Variants in RBM47 observed in about 807,000 individuals in gnomAD.
RBM47 encodes the protein RNA-binding protein 47.
In RBM47, 21 loss-of-function variants were observed where a neutral mutation model predicts 47.1. The ratio of observed to expected loss-of-function variants is 0.45; its 90% CI spans 0.32 to 0.64. The LOEUF (loss-of-function observed/expected upper bound fraction) is 0.64. RBM47 is among the 30% of genes least tolerant of loss of function. The pLI is 0.05. For missense variants in RBM47, 708 were observed against 870.9 expected (o/e 0.81, Z 2.35); for synonymous variants, 375 against 361.7 (o/e 1.04, Z -0.42).
intron 6 of RBM47, among the ~76,000 whole-genome samples, chr4:40,432,203 TACACAC>T (rs61008905): frequency 0.015 from 2,277 of 147,806 alleles, 63 homozygotes; most frequent in African/African-American, 0.053. Flanking sequence ...TCTCTCTCTT[TACACAC>T]ACACACACAC....
At chr4:40,535,371 C>CTTTTTTTTTTTTTTTTTTTTTTT (rs1177127352) in intron 2 of RBM47, among the ~76,000 whole-genome samples, 13 of 103,460 alleles carry the variant, frequency 1.3e-4, no homozygotes, top group African/African-American at 2.2e-4. Context: ...TATGGTATTT[C>CTTTTTTTTTTTTTTTTTTTTTTT]TTTTTTTTTT....
rs961511576 is a variant in RBM47, at chr4:40,438,141, G to C, written c.753C>G (p.Arg251=). The C allele has an allele frequency of 3.1e-6, 5 of 1,612,604 alleles. No individual in the cohort carries two copies. The highest frequency in any genetic ancestry group is 1.3e-5 in the African/African-American group (1 of 74,888). The change falls in exon 4 of 7, where the codon CGC becomes CGG. Residue 251 remains arginine, a synonymous_variant. Transcript: ENST00000295971. ...VMETVKILYV[R]NLMIETTEDT... The stretch of plus-strand genomic sequence containing the variant: ...CCTCGGTGGTCTCGATCATGAGGTT[G>C]CGCACGTAGAGGATCTTCACGGTCT...
intron 1 of RBM47, among the ~76,000 whole-genome samples, chr4:40,590,404 CAAAA>C (rs926956539): frequency 1.3e-5 from 2 of 151,180 alleles, no homozygotes; most frequent in African/African-American, 4.9e-5. Flanking sequence ...AAAAAAAAAA[CAAAA>C]AAACCCCACA....
intron 1 of RBM47, among the ~76,000 whole-genome samples, chr4:40,558,496 T>C (rs568233952): frequency 1.4e-5 from 2 of 139,292 alleles, no homozygotes; most frequent in Non-Finnish European, 3.0e-5. Flanking sequence ...CTGGCCAACA[T>C]GGTGAAACCC....
intron 3 of RBM47, among the ~76,000 whole-genome samples, chr4:40,464,710 A>G (rs921266483): frequency 6.6e-6 from 1 of 150,952 alleles, no homozygotes; most frequent in African/African-American, 2.4e-5. Context: ...CCACGGTGAA[A>G]CCCCGTCTCT....
intron 2 of RBM47, among the ~76,000 whole-genome samples, chr4:40,494,188 A>G (rs1722269110): frequency 6.6e-6 from 1 of 152,146 alleles, no homozygotes. Context: ...CAAGTTCTCA[A>G]TAATTATAAT....
At chr4:40,555,044 T>TC (rs1729946001) in intron 1 of RBM47, among the ~76,000 whole-genome samples, 1 of 152,224 alleles carries the variant, frequency 6.6e-6, no homozygotes, top group Non-Finnish European at 1.5e-5. Context: ...CAAGCGGTTC[T>TC]CCTGCCTCAG....
chr4:40,571,741 T>C (rs10020963), intron 1 of RBM47, among the ~76,000 whole-genome samples: 61,346 of 151,552 alleles, frequency 0.4, 14,192 homozygotes, highest in African/African-American at 0.6. Context: ...CTTATCTGGC[T>C]GGACACGGTG....
intron 1 of RBM47, among the ~76,000 whole-genome samples, chr4:40,565,061 G>A (rs1164272474): frequency 6.6e-6 from 1 of 152,210 alleles, no homozygotes; most frequent in South Asian, 2.1e-4. Context: ...CTCAGCCTTG[G>A]TGAGAACACA....
intron 2 of RBM47, among the ~76,000 whole-genome samples, chr4:40,523,846 C>T (rs1726450193): frequency 1.5e-5 from 2 of 135,674 alleles, no homozygotes; most frequent in South Asian, 4.6e-4. Flanking sequence ...GCTTGGGTGA[C>T]AGAGTGAGCC....
chr4:40,555,627 C>T (rs1730007279), intron 1 of RBM47, among the ~76,000 whole-genome samples: 1 of 152,186 alleles, frequency 6.6e-6, no homozygotes, highest in Non-Finnish European at 1.5e-5. Context: ...AGTAACTTGC[C>T]CACATCACAC....
intron 1 of RBM47, among the ~76,000 whole-genome samples, chr4:40,568,873 C>T (rs999335038): frequency 3.3e-5 from 5 of 151,764 alleles, no homozygotes; most frequent in East Asian, 3.9e-4. Context: ...CCCAGCTACT[C>T]GGGAGGCTGA....
intron 5 of RBM47, among the ~76,000 whole-genome samples, chr4:40,434,002 G>GGGGT (rs1213913858): frequency 4.4e-5 from 2 of 45,632 alleles, no homozygotes; most frequent in African/African-American, 1.0e-4. Context: ...GTGGGGCGGG[G>GGGGT]GTGTGTGTGT....
At chr4:40,497,734 G>A (rs1722799869) in intron 2 of RBM47, among the ~76,000 whole-genome samples, 1 of 150,620 alleles carries the variant, frequency 6.6e-6, no homozygotes, top group African/African-American at 2.4e-5. Flanking sequence ...AGTACTTTAG[G>A]AGGCTGAGGC....
intron 6 of RBM47, chr4:40,426,908 G>A (rs1232343867): frequency 1.3e-5 from 2 of 152,254 alleles, no homozygotes; most frequent in East Asian, 3.9e-4. Flanking sequence ...GTGAGCTAGA[G>A]AAGGCAGCGG....
intron 1 of RBM47, among the ~76,000 whole-genome samples, chr4:40,607,975 T>C (rs1735916971): frequency 1.3e-5 from 2 of 151,818 alleles, no homozygotes; most frequent in South Asian, 4.2e-4. Flanking sequence ...CATGGCAGCC[T>C]ACACCTATAG....
At chr4:40,614,641 C>T (rs907638603) in intron 1 of RBM47, among the ~76,000 whole-genome samples, 1 of 150,774 alleles carries the variant, frequency 6.6e-6, no homozygotes, top group Non-Finnish European at 1.5e-5. Context: ...TGAGACAAAC[C>T]TGGGCAAAAG....
intron 1 of RBM47, among the ~76,000 whole-genome samples, chr4:40,612,621 C>T (rs1024714427): frequency 6.6e-6 from 1 of 152,170 alleles, no homozygotes; most frequent in Non-Finnish European, 1.5e-5. Context: ...TAATCTGATC[C>T]AACAGGGCAT....
chr4:40,469,352 A>G (rs1385648329), intron 2 of RBM47, among the ~76,000 whole-genome samples: 8 of 152,036 alleles, frequency 5.3e-5, no homozygotes, highest in Non-Finnish European at 1.5e-5. Context: ...ACATTTCCCC[A>G]AAATGAAACA....
Sources: gnomAD v4.1 joint callset for allele counts (sites outside exome capture counted in the v4.1 genomes callset) on GRCh38, gnomAD v4.1.1 for gene constraint, MANE v1.5 for transcripts, NCBI Gene and HGNC (gene_info 2026-07-23, HGNC 2026-07-21) for gene names.